CFAP92: variants seen among roughly 807,000 people sequenced by gnomAD.
CFAP92 encodes uncharacterized protein CFAP92.
A neutral mutation model predicts 106.3 loss-of-function variants in CFAP92; 86 were observed. That is an observed-to-expected ratio of 0.81 (90% CI 0.68 to 0.97). CFAP92 has a LOEUF of 0.97. CFAP92 is among the 50% of genes least tolerant of loss of function. CFAP92 has a pLI of 0.00. For missense variants in CFAP92, 1,204 were observed against 1,283.8 expected, an observed-to-expected ratio of 0.94 and a Z score of 0.95; for synonymous variants, 477 against 506.4, an observed-to-expected ratio of 0.94 and a Z score of 0.78.
In CFAP92 at chr3:128,945,864, A is replaced by C; in HGVS notation, c.1465T>G (p.Phe489Val). ...HVYFQDINVIFLGALHPSDLR... is the reference protein window; with the variant it reads ...HVYFQDINVIVLGALHPSDLR... ...TCACTGGGGTGCAGTGCCCCAAGGA[A>C]GATGACGTTGATGTCCTGGAAATAA... Residue 489 changes from phenylalanine (F) to valine (V), a missense_variant, in exon 10 of 16, where the codon TTC becomes GTC. Physicochemically the swap from Phe to Val is conservative, Grantham distance 50 (BLOSUM62 -1). Coordinates refer to ENST00000645291, the MANE Select transcript of CFAP92 (RefSeq NM_001394090.1). 6.7e-7 allele frequency: 1 copy of C among 1,486,908 alleles called. No individual in the cohort carries two copies. The highest frequency in any genetic ancestry group is 1.3e-5 in the South Asian group (1 of 74,564). The allele number at this position is 1,486,908 out of a possible 1,614,324, so 92.1% of individuals were successfully genotyped here. A position where few individuals can be genotyped will look rare whatever the true frequency, so the allele number is the denominator to read the frequency against.
chr3:128,932,835 A>C lies in CFAP92; in HGVS notation c.2616T>G (p.Pro872=). The stretch of plus-strand genomic sequence containing the variant: ...TGTGGTAGTCCTCAAGATTGGGGGC[A>C]GGCTGAGGTGGTAGGGCAAACAGTT... ...DEKLFALPPQ[P]APNLEDYHSR... Residue 872 remains proline, a synonymous_variant, in exon 12 of 16, where the codon CCT becomes CCG. Transcript: ENST00000645291. 8.5e-6 allele frequency: 13 copies of C among 1,536,210 alleles called. No homozygotes were observed. Among genetic ancestry groups the C allele is most frequent in the Non-Finnish European group, 1.1e-5 (13 of 1,146,908 alleles).
chr3:129,005,126 G>A (rs1029504582), upstream of CFAP92, among the ~76,000 whole-genome samples: 7 of 152,232 alleles, frequency 4.6e-5, no homozygotes, highest in Admixed American at 1.3e-4. Context: ...GCCATCCCAG[G>A]CATCAGGGAT....
In CFAP92 at chr3:128,978,070, T is replaced by A; in HGVS notation, c.783A>T (p.Thr261=). 1 of 1,614,042 alleles carries A rather than the reference T, an allele frequency of 6.2e-7. No homozygotes were observed. ...QEHPPGKQEK[T]EKHPKSLQGS... is the part of the protein sequence containing the mutation. ...CTTGCAAAGACTTTGGGTGTTTTTCTGTTTTTTCTTGTTTTCCTGGCGGAT... is the reference window on the plus strand; with the variant it reads ...CTTGCAAAGACTTTGGGTGTTTTTCAGTTTTTTCTTGTTTTCCTGGCGGAT... The change falls in exon 5 of 16, where the codon ACA becomes ACT. Residue 261 remains threonine (T), a synonymous_variant. Coordinates refer to ENST00000645291, the MANE Select transcript of CFAP92 (RefSeq NM_001394090.1).
intron 12 of CFAP92, among the ~76,000 whole-genome samples, chr3:128,926,202 GAGAC>G (rs1446694532): frequency 6.6e-6 from 1 of 152,062 alleles, no homozygotes; most frequent in Non-Finnish European, 1.5e-5. Flanking sequence ...TATTGAGAGA[GAGAC>G]AGACATTAAA....
the CFAP92 span, among the ~76,000 whole-genome samples, chr3:129,021,048 G>A: frequency 2.6e-5 from 4 of 152,164 alleles, no homozygotes; most frequent in African/African-American, 9.7e-5. Context: ...GGAAATTCGT[G>A]GGGAGGAGGG....
chr3:128,943,920 G>GGTT (rs1553747278), intron 10 of CFAP92, among the ~76,000 whole-genome samples: 1 of 110,134 alleles, frequency 9.1e-6, no homozygotes, highest in African/African-American at 3.8e-5. Flanking sequence ...TATTTCCCCC[G>GGTT]TTTTTTTTTT....
intron 12 of CFAP92, among the ~76,000 whole-genome samples, chr3:128,923,108 G>A (rs62265275): frequency 0.048 from 7,275 of 152,238 alleles, 355 homozygotes; most frequent in African/African-American, 0.12. Context: ...CTTCTGTTTC[G>A]CTAGATTTAC....
chr3:129,010,315 C>T, the CFAP92 span, among the ~76,000 whole-genome samples: 1 of 152,190 alleles, frequency 6.6e-6, no homozygotes, highest in Non-Finnish European at 1.5e-5. The surrounding 1 kb of genome is among the most constrained non-coding windows in gnomAD (Gnocchi z 4.3). Flanking sequence ...CAGCTGAGTC[C>T]CCTTGATGGG....
At position 128,980,709 on chromosome 3, in the gene CFAP92, C is replaced by A. The variant is rs372741257; in HGVS notation, c.668-2524G>T. On this transcript the variant is annotated intron_variant, in intron 4 of 15. Transcript: ENST00000645291. ...TTCAACAATGTTCACAGCCTCTTCACGAGGAGTAGATTCCATCTCATCTCA... is the reference window on the plus strand; with the variant it reads ...TTCAACAATGTTCACAGCCTCTTCAAGAGGAGTAGATTCCATCTCATCTCA... 1.6e-4 allele frequency among the ~76,000 whole-genome samples: 25 copies of A among 152,334 alleles called. No individual in the cohort carries two copies. The South Asian group carries it at 2.3e-3, about 14-fold the overall frequency.
At chr3:128,920,929 A>G (rs531291370) in intron 12 of CFAP92, among the ~76,000 whole-genome samples, 24 of 152,350 alleles carry the variant, frequency 1.6e-4, no homozygotes, top group African/African-American at 5.5e-4. Flanking sequence ...GTAGCAGAAC[A>G]TGTTCCATAT....
chr3:128,960,567 C>T (rs1487830383), intron 9 of CFAP92, among the ~76,000 whole-genome samples: 2 of 152,334 alleles, frequency 1.3e-5, no homozygotes, highest in Admixed American at 6.5e-5. Context: ...AAAACTCCGG[C>T]GCCGGTCACG....
chr3:128,923,891 C>T (rs956409430), intron 12 of CFAP92, among the ~76,000 whole-genome samples: 5 of 152,214 alleles, frequency 3.3e-5, no homozygotes, highest in Non-Finnish European at 7.3e-5. Flanking sequence ...GCCCTGCTCC[C>T]TGGAACTGAT....
At chr3:128,927,780 A>T (rs1319495436) in intron 12 of CFAP92, among the ~76,000 whole-genome samples, 1 of 152,120 alleles carries the variant, frequency 6.6e-6, no homozygotes, top group Non-Finnish European at 1.5e-5. Flanking sequence ...TACAAAAAGT[A>T]ATTCAATTCA....
chr3:128,916,880 G>C (rs564648354), intron 12 of CFAP92, among the ~76,000 whole-genome samples: 7 of 152,322 alleles, frequency 4.6e-5, no homozygotes, highest in Admixed American at 3.9e-4. Context: ...ACTCTAAATT[G>C]TTGGGCACTG....
chr3:129,002,570 A>C (rs1200030081), intron 1 of CFAP92: 5 of 673,882 alleles, frequency 7.4e-6, no homozygotes, highest in Non-Finnish European at 1.1e-5. Flanking sequence ...TCAAACAACC[A>C]TACCCCACTT....
intron 4 of CFAP92, among the ~76,000 whole-genome samples, chr3:128,982,549 A>G (rs907456960): frequency 2.0e-5 from 3 of 152,178 alleles, no homozygotes; most frequent in Non-Finnish European, 4.4e-5. Flanking sequence ...TCCTTCTAGA[A>G]CTTTTCCCTT....
At chr3:128,961,143 A>G (rs962491222) in intron 9 of CFAP92, among the ~76,000 whole-genome samples, 4 of 152,226 alleles carry the variant, frequency 2.6e-5, no homozygotes, top group Non-Finnish European at 5.9e-5. Context: ...AGTTCCAAAT[A>G]GCCAGAAAAT....
intron 9 of CFAP92, among the ~76,000 whole-genome samples, chr3:128,958,225 TAAC>T (rs779958838): frequency 3.9e-5 from 6 of 152,212 alleles, no homozygotes; most frequent in Non-Finnish European, 7.3e-5. Flanking sequence ...ATTCAATCCT[TAAC>T]AATAACATTT....
chr3:128,987,771 T>C lies in CFAP92; in HGVS notation c.512A>G (p.Asn171Ser). The C allele has an allele frequency of 6.2e-7, 1 of 1,613,938 alleles. No homozygotes were observed. Among genetic ancestry groups the C allele is most frequent in the Non-Finnish European group, 8.5e-7 (1 of 1,179,822 alleles). ...TAATAATTCCTTTGTCACAGTGATA[T>C]TAAAAGTCTGCTCCCACGACACCCA... Reference protein sequence around the residue: ...KAWVSWEQTFNITVTKELLKK... With the variant: ...KAWVSWEQTFSITVTKELLKK... The change falls in exon 4 of 16, where the codon AAT becomes AGT. Residue 171 changes from asparagine to serine, a missense_variant. Coordinates refer to ENST00000645291, the MANE Select transcript of CFAP92 (RefSeq NM_001394090.1).
Sources: allele counts gnomAD v4.1 joint callset (sites outside exome capture counted in the v4.1 genomes callset), GRCh38; gene constraint gnomAD v4.1.1; non-coding constraint Gnocchi (gnomAD v3.1); transcripts MANE v1.5; gene names NCBI Gene and HGNC (gene_info 2026-07-23, HGNC 2026-07-21).